Variants in TRPM3 observed in about 807,000 individuals in gnomAD.
TRPM3 encodes long transient receptor potential channel 3.
A neutral mutation model predicts 181.2 loss-of-function variants in TRPM3; 77 were observed. The observed-to-expected ratio is 0.42, with a 90% confidence interval of 0.35 to 0.51. TRPM3 has a LOEUF of 0.51. Ranked by LOEUF, TRPM3 falls within the 20% of genes least tolerant of loss-of-function variation. The pLI, the probability that TRPM3 is intolerant of heterozygous loss-of-function variation, is 0.01. For missense variants in TRPM3, 1,759 were observed against 2,196.7 expected, an observed-to-expected ratio of 0.80 and a Z score of 3.98; for synonymous variants, 745 against 796.4, an observed-to-expected ratio of 0.94 and a Z score of 1.09.
chr9:71,331,320 T>A (rs1403709649), intron 1 of TRPM3, among the ~76,000 whole-genome samples: 1 of 151,806 alleles, frequency 6.6e-6, no homozygotes, highest in Non-Finnish European at 1.5e-5. Flanking sequence ...AATGTTCAAA[T>A]AAGATAAACT....
intron 3 of TRPM3, among the ~76,000 whole-genome samples, chr9:70,855,944 A>G (rs569347506): frequency 1.8e-4 from 28 of 152,178 alleles, no homozygotes; most frequent in Admixed American, 3.9e-4. Flanking sequence ...ATGACCCACA[A>G]AACTCTGGAA....
At chr9:71,108,616 A>G (rs1405465392) in intron 1 of TRPM3, among the ~76,000 whole-genome samples, 1 of 152,184 alleles carries the variant, frequency 6.6e-6, no homozygotes, top group African/African-American at 2.4e-5. Flanking sequence ...GCACTATACC[A>G]AGTGTTAGCA....
At chr9:70,889,239 A>C (rs1010743843) in intron 1 of TRPM3, among the ~76,000 whole-genome samples, 1 of 152,164 alleles carries the variant, frequency 6.6e-6, no homozygotes, top group Non-Finnish European at 1.5e-5. Flanking sequence ...AACCAGCCAA[A>C]CTTCTGCCTC....
chr9:70,956,961 CT>C (rs747544684), intron 1 of TRPM3, among the ~76,000 whole-genome samples: 206 of 137,384 alleles, frequency 1.5e-3, no homozygotes, highest in Non-Finnish European at 2.0e-3. Flanking sequence ...TTCTTTCTTT[CT>C]TTTTTTTTTT....
intron 25 of TRPM3, among the ~76,000 whole-genome samples, chr9:70,544,310 G>T (rs914003585): frequency 5.9e-5 from 9 of 152,062 alleles, no homozygotes; most frequent in Non-Finnish European, 1.3e-4. Flanking sequence ...GGTATTTTTT[G>T]ATTGCTTACA....
intron 5 of TRPM3, among the ~76,000 whole-genome samples, chr9:70,835,426 T>C (rs1423948195): frequency 6.6e-6 from 1 of 152,090 alleles, no homozygotes; most frequent in East Asian, 1.9e-4. Context: ...TCTAAACTGG[T>C]GGATGCATCA....
At chr9:70,690,284 T>C (rs1216436826) in intron 8 of TRPM3, among the ~76,000 whole-genome samples, 1 of 152,184 alleles carries the variant, frequency 6.6e-6, no homozygotes, top group Admixed American at 6.5e-5. Context: ...AGCTATACGA[T>C]AGATAATCAA....
At chr9:70,830,915 A>G (rs1208988769) in intron 5 of TRPM3, among the ~76,000 whole-genome samples, 1 of 152,222 alleles carries the variant, frequency 6.6e-6, no homozygotes, top group African/African-American at 2.4e-5. Flanking sequence ...CGATTTTTCA[A>G]TTGTAAACTA....
At chr9:70,602,055 G>A (rs1209418990) in intron 20 of TRPM3, among the ~76,000 whole-genome samples, 1 of 149,314 alleles carries the variant, frequency 6.7e-6, no homozygotes, top group East Asian at 2.0e-4. Context: ...AAGGCACCAT[G>A]AATGGGAAGA....
intron 1 of TRPM3, among the ~76,000 whole-genome samples, chr9:71,094,815 C>A (rs2066850796): frequency 6.6e-6 from 1 of 151,984 alleles, no homozygotes; most frequent in Non-Finnish European, 1.5e-5. Context: ...CTGGTTTAAT[C>A]ATTTACATCA....
At chr9:70,768,919 A>G (rs1307242823) in intron 7 of TRPM3, among the ~76,000 whole-genome samples, 1 of 152,188 alleles carries the variant, frequency 6.6e-6, no homozygotes, top group East Asian at 1.9e-4. Flanking sequence ...AAAAGAGATC[A>G]TGCATGGAAA....
intron 1 of TRPM3, among the ~76,000 whole-genome samples, chr9:70,878,413 C>T (rs1564669454): frequency 6.6e-6 from 1 of 152,026 alleles, no homozygotes; most frequent in South Asian, 2.1e-4. Flanking sequence ...AATTAATTCA[C>T]TCATGCACTC....
chr9:70,837,787 G>A (rs1454212211), intron 5 of TRPM3, among the ~76,000 whole-genome samples: 1 of 152,188 alleles, frequency 6.6e-6, no homozygotes, highest in Non-Finnish European at 1.5e-5. Context: ...CATGCATCGA[G>A]TCTGTCTCTG....
At chr9:71,068,677 C>G (rs2062272165) in intron 1 of TRPM3, among the ~76,000 whole-genome samples, 2 of 152,162 alleles carry the variant, frequency 1.3e-5, no homozygotes. Context: ...GTTGGGCAAC[C>G]TGGGATAACA....
chr9:71,000,037 G>A (rs908737604), intron 1 of TRPM3, among the ~76,000 whole-genome samples: 2 of 152,158 alleles, frequency 1.3e-5, no homozygotes, highest in African/African-American at 4.8e-5. Context: ...CTTATCCCAA[G>A]AAAGCTGTTG....
intron 9 of TRPM3, among the ~76,000 whole-genome samples, chr9:70,677,921 ATT>A (rs35877978): frequency 0.32 from 46,850 of 144,356 alleles, 7,443 homozygotes; most frequent in East Asian, 0.46. Flanking sequence ...ATAATAAACA[ATT>A]TTTTTTTTTT....
At chr9:71,260,844 C>T (rs1231890020) in intron 1 of TRPM3, among the ~76,000 whole-genome samples, 2 of 152,224 alleles carry the variant, frequency 1.3e-5, no homozygotes, top group Non-Finnish European at 2.9e-5. Flanking sequence ...AATTTGACTT[C>T]CCCTTTTCCT....
chr9:70,611,675 T>C (rs1182071079), intron 18 of TRPM3, among the ~76,000 whole-genome samples: 1 of 152,190 alleles, frequency 6.6e-6, no homozygotes, highest in African/African-American at 2.4e-5. Context: ...TGTGCCTTGG[T>C]TCCCTAATTT....
chr9:70,695,388 G>A (rs2070032865), intron 8 of TRPM3, among the ~76,000 whole-genome samples: 1 of 152,176 alleles, frequency 6.6e-6, no homozygotes, highest in South Asian at 2.1e-4. Flanking sequence ...GCTAGCATGG[G>A]CTCAGTAACT....
Sources: allele counts gnomAD v4.1 joint callset (sites outside exome capture counted in the v4.1 genomes callset), GRCh38; gene constraint gnomAD v4.1.1; transcripts MANE v1.5; gene names NCBI Gene and HGNC (gene_info 2026-07-23, HGNC 2026-07-21).